GRM8: variants seen among roughly 807,000 people sequenced by gnomAD.
GRM8 encodes the protein metabotropic glutamate receptor 8.
In GRM8, 47 loss-of-function variants were observed where a neutral mutation model predicts 87.2. That is an observed-to-expected ratio of 0.54 (90% CI 0.43 to 0.69). GRM8 has a LOEUF of 0.69. Among genes scored for constraint, GRM8 ranks in the 30% least tolerant of loss-of-function variants. GRM8 has a pLI of 0.00. For synonymous variants in GRM8, 396 were observed against 404.5 expected (o/e 0.98, Z 0.25); for missense variants, 1,019 against 1,139.2 (o/e 0.89, Z 1.52).
At chr7:126,781,481 T>C (rs1029930772) in intron 6 of GRM8, among the ~76,000 whole-genome samples, 1 of 152,198 alleles carries the variant, frequency 6.6e-6, no homozygotes, top group African/African-American at 2.4e-5. Context: ...TTACTAATAG[T>C]ACTCTCTCAG....
chr7:127,014,926 G>GGAGAGA (rs772874613), intron 3 of GRM8, among the ~76,000 whole-genome samples: 2 of 135,742 alleles, frequency 1.5e-5, no homozygotes, highest in African/African-American at 5.7e-5. Context: ...GGAAAGAGAA[G>GGAGAGA]GAGAGAGAGA....
At chr7:127,197,612 G>A (rs192596461) in intron 2 of GRM8, among the ~76,000 whole-genome samples, 28 of 151,984 alleles carry the variant, frequency 1.8e-4, no homozygotes, top group African/African-American at 6.0e-4. Flanking sequence ...AAAAAAAGGG[G>A]GAACAGCAAA....
chr7:127,148,325 A>G (rs1322326554), intron 2 of GRM8, among the ~76,000 whole-genome samples: 2 of 151,988 alleles, frequency 1.3e-5, no homozygotes, highest in Non-Finnish European at 2.9e-5. Flanking sequence ...ACCTAAATAC[A>G]TAAAGCAAAT....
chr7:127,099,767 T>C (rs1312505442), intron 3 of GRM8, among the ~76,000 whole-genome samples: 1 of 152,186 alleles, frequency 6.6e-6, no homozygotes, highest in Non-Finnish European at 1.5e-5. Context: ...GAGTATACCC[T>C]TCTTCACCCT....
chr7:126,794,773 T>G (rs1277271959), intron 6 of GRM8, among the ~76,000 whole-genome samples: 2 of 152,164 alleles, frequency 1.3e-5, no homozygotes, highest in African/African-American at 4.8e-5. Context: ...TAACGTTCTG[T>G]AACTCCATCT....
intron 8 of GRM8, among the ~76,000 whole-genome samples, chr7:126,577,924 A>T (rs2151003357): frequency 6.6e-6 from 1 of 152,032 alleles, no homozygotes; most frequent in East Asian, 1.9e-4. Context: ...CACCAAACCC[A>T]ACCCATGCTT....
At chr7:126,470,849 C>A in intron 9 of GRM8, among the ~76,000 whole-genome samples, 1 of 152,132 alleles carries the variant, frequency 6.6e-6, no homozygotes, top group East Asian at 1.9e-4. Flanking sequence ...CTCTCCAGCA[C>A]CTGCTGTTTC....
In GRM8 at chr7:127,252,915, T is replaced by C; in HGVS notation, c.-430A>G. ...CGAGCACAGCGGCCGCACTTGTGGC[T>C]GATCTCTGGGCTGAGGGGGCTGAGC... On this transcript the variant is annotated 5_prime_UTR_variant, in exon 1 of 11. Transcript: ENST00000339582. This position sits in a 1 kb window ranked among gnomAD's most constrained non-coding sequence, Gnocchi z 4.9. The C allele has an allele frequency of 4.9e-6, 1 of 204,258 alleles. No individual in the cohort carries two copies. Among genetic ancestry groups the C allele is most frequent in the Non-Finnish European group, 9.5e-6 (1 of 105,266 alleles). 12.7% of individuals were successfully genotyped at this position (204,258 alleles called of 1,614,324 possible). A position where few individuals can be genotyped will look rare whatever the true frequency, so the allele number is the denominator to read the frequency against.
chr7:126,633,308 G>T (rs962983494), intron 7 of GRM8, among the ~76,000 whole-genome samples: 36 of 152,198 alleles, frequency 2.4e-4, no homozygotes, highest in African/African-American at 8.7e-4. Flanking sequence ...TCACCAGTGA[G>T]TCCAGTTCAA....
At chr7:126,665,438 A>C (rs943344206) in intron 7 of GRM8, among the ~76,000 whole-genome samples, 3 of 152,216 alleles carry the variant, frequency 2.0e-5, no homozygotes, top group African/African-American at 7.2e-5. Flanking sequence ...GAATGAAGTC[A>C]TGTCCTTTGC....
intron 6 of GRM8, among the ~76,000 whole-genome samples, chr7:126,888,167 G>A (rs896851630): frequency 3.5e-4 from 53 of 152,200 alleles, no homozygotes; most frequent in African/African-American, 1.3e-3. Context: ...ACACTCCTCA[G>A]GGTGCTGAAC....
chr7:126,628,862 T>A (rs1725582534), intron 7 of GRM8, among the ~76,000 whole-genome samples: 1 of 151,234 alleles, frequency 6.6e-6, no homozygotes, highest in African/African-American at 2.4e-5. Context: ...CAATGATAAC[T>A]ATGTGTCATA....
chr7:126,897,773 G>A (rs1801686786), intron 6 of GRM8, among the ~76,000 whole-genome samples: 1 of 152,104 alleles, frequency 6.6e-6, no homozygotes, highest in African/African-American at 2.4e-5. Context: ...GTGGATGGTA[G>A]GAATTACCTC....
chr7:126,763,997 A>C (rs1004632022), intron 7 of GRM8, among the ~76,000 whole-genome samples: 2 of 151,936 alleles, frequency 1.3e-5, no homozygotes, highest in Non-Finnish European at 2.9e-5. Flanking sequence ...CCAAAGAAAA[A>C]AAGCGTTCCA....
At chr7:126,528,614 T>TTGTGTGTGTGTGTGTGTGTG (rs59437677) in intron 9 of GRM8, among the ~76,000 whole-genome samples, 6 of 149,092 alleles carry the variant, frequency 4.0e-5, no homozygotes, top group Non-Finnish European at 8.9e-5. Flanking sequence ...ACAAAAGAAG[T>TTGTGTGTGTGTGTGTGTGTG]TGTGTGTGTG....
rs1047198252 is a variant in GRM8, at chr7:126,438,628, A to C, written c.*491T>G. 1.3e-5 allele frequency: 2 copies of C among 152,640 alleles called. No individual in the cohort carries two copies. The highest frequency in any genetic ancestry group is 2.9e-5 in the Non-Finnish European group (2 of 68,088). The allele number at this position is 152,640 out of a possible 1,614,324, so 9.5% of individuals were successfully genotyped here. On this transcript the variant is annotated 3_prime_UTR_variant, in exon 11 of 11. Coordinates refer to ENST00000339582, the MANE Select transcript of GRM8 (RefSeq NM_000845.3). ...TTGCAAAACATTCCTTTATTATTAG[A>C]AATAAATTATTTGTATAAAAAATTG...
chr7:127,111,482 C>A (rs1826345067), intron 2 of GRM8, among the ~76,000 whole-genome samples: 1 of 152,058 alleles, frequency 6.6e-6, no homozygotes, highest in African/African-American at 2.4e-5. Context: ...TGAAAAGGAT[C>A]CTTAAAGGGA....
intron 9 of GRM8, among the ~76,000 whole-genome samples, chr7:126,503,078 G>C (rs140401375): frequency 1.3e-5 from 2 of 152,058 alleles, no homozygotes; most frequent in African/African-American, 4.8e-5. Flanking sequence ...TCCAGGAATG[G>C]AGACAGTATT....
chr7:126,524,752 T>C (rs1554380832), intron 9 of GRM8, among the ~76,000 whole-genome samples: 1 of 152,188 alleles, frequency 6.6e-6, no homozygotes, highest in Non-Finnish European at 1.5e-5. Context: ...ATCTCTGCTC[T>C]GGTTCTATGT....
Sources: allele counts gnomAD v4.1 joint callset (sites outside exome capture counted in the v4.1 genomes callset), GRCh38; gene constraint gnomAD v4.1.1; non-coding constraint Gnocchi (gnomAD v3.1); transcripts MANE v1.5; gene names NCBI Gene and HGNC (gene_info 2026-07-23, HGNC 2026-07-21).